CBX1: variants seen among roughly 807,000 people sequenced by gnomAD.
CBX1 encodes the protein chromobox protein homolog 1.
Under a neutral mutation model 25.1 loss-of-function variants are expected in CBX1, and 10 were observed. The ratio of observed to expected loss-of-function variants is 0.40; its 90% CI spans 0.25 to 0.68. The LOEUF (loss-of-function observed/expected upper bound fraction) is 0.68. Among genes scored for constraint, CBX1 ranks in the 30% least tolerant of loss-of-function variants. The probability of loss-of-function intolerance (pLI) is 0.40; values close to 1 mark genes in which losing one functional copy is unlikely to be tolerated. For synonymous variants in CBX1, 63 were observed against 79.4 expected, an observed-to-expected ratio of 0.79 and a Z score of 1.10; for missense variants, 106 against 218.5, an observed-to-expected ratio of 0.49 and a Z score of 3.25.
chr17:48,080,467 C>G (rs934571134), intron 1 of CBX1, among the ~76,000 whole-genome samples: 8 of 151,900 alleles, frequency 5.3e-5, no homozygotes, highest in African/African-American at 1.9e-4. Flanking sequence ...GCAGGTAATC[C>G]AAGACAAGGA....
intron 1 of CBX1, chr17:48,096,472 G>T (rs1345116687): frequency 1.4e-6 from 1 of 702,284 alleles, no homozygotes; most frequent in South Asian, 6.4e-5. Flanking sequence ...CATTGGAAAC[G>T]TATCAGAACA....
chr17:48,092,560 T>C (rs1481704270), intron 1 of CBX1, among the ~76,000 whole-genome samples: 5 of 151,214 alleles, frequency 3.3e-5, no homozygotes, highest in Admixed American at 3.3e-4. Flanking sequence ...TTCAAGGGAT[T>C]CTCCTGCCTC....
chr17:48,096,054 ATTTT>A (rs545729819), intron 1 of CBX1, among the ~76,000 whole-genome samples: 177 of 152,190 alleles, frequency 1.2e-3, no homozygotes, highest in African/African-American at 4.1e-3. Context: ...CTAATTGTGT[ATTTT>A]TAGTAGAGAC....
intron 1 of CBX1, among the ~76,000 whole-genome samples, chr17:48,077,920 G>A (rs895526123): frequency 6.6e-6 from 1 of 152,076 alleles, no homozygotes; most frequent in African/African-American, 2.4e-5. Context: ...TTGGGAGGCC[G>A]AGGCGGGCAG....
intron 1 of CBX1, among the ~76,000 whole-genome samples, chr17:48,084,132 T>C (rs1183837975): frequency 2.0e-5 from 3 of 148,720 alleles, no homozygotes; most frequent in Admixed American, 6.6e-5. Context: ...CCACCAAACC[T>C]GGCTAATTTT....
chr17:48,072,602 G>A (rs12947056), intron 4 of CBX1, among the ~76,000 whole-genome samples: 34,396 of 151,726 alleles, frequency 0.23, 4,181 homozygotes, highest in South Asian at 0.33. Context: ...GGCTAACACG[G>A]TGAAACCCTG....
In CBX1 at chr17:48,101,362, C is replaced by T. The variant is rs939138269; in HGVS notation, c.-132G>A. The T allele has an allele frequency of 4.1e-6, 4 of 985,856 alleles. No individual in the cohort carries two copies. Among genetic ancestry groups the T allele is most frequent in the Non-Finnish European group, 4.8e-6 (4 of 830,150 alleles). The allele number at this position is 985,856 out of a possible 1,614,324, so 61.1% of individuals were successfully genotyped here. On this transcript the variant is annotated 5_prime_UTR_variant, in exon 1 of 5. Coordinates refer to ENST00000225603, the MANE Select transcript of CBX1 (RefSeq NM_001127228.2). Reference sequence around the variant, plus strand: ...GGGGGAGTGGCGCCCAGGAAGGCAGCAAGCCGGGTGGCCGCAGTGGCGTCC... The same window carrying T: ...GGGGGAGTGGCGCCCAGGAAGGCAGTAAGCCGGGTGGCCGCAGTGGCGTCC...
At chr17:48,088,733 A>T (rs532262222) in intron 1 of CBX1, 2 of 152,162 alleles carry the variant, frequency 1.3e-5, no homozygotes, top group African/African-American at 4.8e-5. Flanking sequence ...GGGCCATGCT[A>T]ATCTTCTCTG....
rs2037621975 is a variant in CBX1, at chr17:48,071,197, T to C, written c.*238A>G. On this transcript the variant is annotated 3_prime_UTR_variant, in exon 5 of 5. Transcript: ENST00000225603. ...AGGCCCTTTGCTTTTCGCAGCAAAG[T>C]GCAGAAAAGGTTGCCTTGAAACACT... The C allele has an allele frequency of 5.5e-6, 2 of 366,676 alleles. No homozygotes were observed. Among genetic ancestry groups the C allele is most frequent in the Admixed American group, 4.3e-5 (1 of 23,474 alleles). 22.7% of individuals were successfully genotyped at this position (366,676 alleles called of 1,614,324 possible).
At chr17:48,078,580 C>T (rs2144436103) in intron 1 of CBX1, among the ~76,000 whole-genome samples, 1 of 152,076 alleles carries the variant, frequency 6.6e-6, no homozygotes, top group Admixed American at 6.6e-5. Flanking sequence ...ACCTCTGCCT[C>T]CCGGGTTCAA....
At chr17:48,091,746 T>C (rs2063344859) in intron 1 of CBX1, among the ~76,000 whole-genome samples, 1 of 151,716 alleles carries the variant, frequency 6.6e-6, no homozygotes, top group African/African-American at 2.4e-5. Context: ...TTTTACCATG[T>C]TGGCCAGGCT....
At chr17:48,100,075 G>A (rs965537328) in intron 1 of CBX1, among the ~76,000 whole-genome samples, 2 of 138,540 alleles carry the variant, frequency 1.4e-5, no homozygotes, top group African/African-American at 2.7e-5. Context: ...GGAGGTGGAG[G>A]TTGCAGTGAG....
At chr17:48,077,129 A>G (rs1042883266) in intron 1 of CBX1, 88 bp from the exon 2 acceptor site, 8 of 1,018,604 alleles carry the variant, frequency 7.9e-6, no homozygotes, top group Non-Finnish European at 1.0e-5. Context: ...CAGGGACATG[A>G]CAGGTGATAA....
intron 4 of CBX1, among the ~76,000 whole-genome samples, chr17:48,074,154 G>A (rs977864273): frequency 1.3e-5 from 2 of 152,166 alleles, no homozygotes; most frequent in African/African-American, 2.4e-5. Flanking sequence ...TGTAAAAGAG[G>A]ATAATTAGTA....
chr17:48,093,256 T>C (rs907444150), intron 1 of CBX1, among the ~76,000 whole-genome samples: 12 of 134,216 alleles, frequency 8.9e-5, no homozygotes, highest in African/African-American at 2.8e-4. Context: ...GCCTGGGCAA[T>C]AGAGCGAGAC....
chr17:48,084,438 T>G (rs2037768792), intron 1 of CBX1, among the ~76,000 whole-genome samples: 1 of 147,144 alleles, frequency 6.8e-6, no homozygotes, highest in East Asian at 2.0e-4. Flanking sequence ...CTCCAACTCC[T>G]GACCTCGTGA....
intron 1 of CBX1, among the ~76,000 whole-genome samples, chr17:48,093,041 G>T (rs2063352194): frequency 7.2e-6 from 1 of 139,378 alleles, no homozygotes; most frequent in Admixed American, 7.9e-5. Flanking sequence ...TTGCACTCCA[G>T]CCTGGGCAGC....
intron 1 of CBX1, among the ~76,000 whole-genome samples, chr17:48,094,661 C>T (rs561082940): frequency 2.9e-4 from 42 of 144,540 alleles, no homozygotes; most frequent in African/African-American, 9.8e-4. Context: ...ATCCGGAAAA[C>T]GGGGTTAGGA....
rs1044337947 is a variant in CBX1, at chr17:48,100,896, G to C, written c.-38+372C>G. On this transcript the variant is annotated intron_variant, in intron 1 of 4. Transcript: ENST00000225603. ...AACCTCGGGTTGTGCGGTCGTATGC[G>C]CCTCCTCACGCCTATCCAAGCCTCA... is the stretch of plus-strand genomic sequence containing the variant. 4 of 985,486 alleles carry C rather than the reference G, an allele frequency of 4.1e-6. No individual in the cohort carries two copies. The African/African-American group carries it at 5.2e-5, about 13-fold the overall frequency. 61.0% of individuals were successfully genotyped at this position (985,486 alleles called of 1,614,324 possible). A position where few individuals can be genotyped will look rare whatever the true frequency, so the allele number is the denominator to read the frequency against.
Sources: gnomAD v4.1 joint callset for allele counts (sites outside exome capture counted in the v4.1 genomes callset) on GRCh38, gnomAD v4.1.1 for gene constraint, MANE v1.5 for transcripts, NCBI Gene and HGNC (gene_info 2026-07-23, HGNC 2026-07-21) for gene names.